MAST4: variants seen among roughly 807,000 people sequenced by gnomAD.
The protein encoded by MAST4 is microtubule associated serine/threonine kinase family member 4.
In MAST4, 89 loss-of-function variants were observed where a neutral mutation model predicts 162.7. The ratio of observed to expected loss-of-function variants is 0.55; its 90% CI spans 0.46 to 0.65. The LOEUF is 0.65. MAST4 is among the 30% of genes least tolerant of loss of function. MAST4 has a pLI of 0.00. For synonymous variants in MAST4, 1,479 were observed against 1,361.1 expected (o/e 1.09, Z -1.91); for missense variants, 3,153 against 3,374.0 (o/e 0.93, Z 1.62).
chr5:66,942,711 A>G (rs1224864069), intron 4 of MAST4, among the ~76,000 whole-genome samples: 2 of 152,118 alleles, frequency 1.3e-5, no homozygotes, highest in Non-Finnish European at 2.9e-5. Context: ...AGTAGCCATG[A>G]TCGATGTCAT....
At chr5:66,968,990 ATCTT>A (rs1265965026) in intron 4 of MAST4, among the ~76,000 whole-genome samples, 1 of 152,226 alleles carries the variant, frequency 6.6e-6, no homozygotes, top group Non-Finnish European at 1.5e-5. Context: ...AGACCTGTCT[ATCTT>A]ACATACTGCT....
chr5:66,969,531 G>A (rs897751222), intron 4 of MAST4, among the ~76,000 whole-genome samples: 4 of 152,208 alleles, frequency 2.6e-5, no homozygotes, highest in African/African-American at 9.7e-5. Flanking sequence ...AGGAAAGGTA[G>A]ACAGCACCTT....
intron 3 of MAST4, among the ~76,000 whole-genome samples, chr5:66,811,914 G>C (rs191028810): frequency 7.8e-4 from 119 of 152,334 alleles, no homozygotes; most frequent in African/African-American, 2.7e-3. Flanking sequence ...ATCAATACTG[G>C]AATTGTGTAC....
At chr5:67,056,740 A>T (rs910848457) in intron 5 of MAST4, among the ~76,000 whole-genome samples, 1 of 152,226 alleles carries the variant, frequency 6.6e-6, no homozygotes, top group Non-Finnish European at 1.5e-5. Context: ...TCTGTTGCCC[A>T]GGCTGGAGTG....
At chr5:66,857,481 G>A (rs1171591737) in intron 3 of MAST4, among the ~76,000 whole-genome samples, 1 of 152,194 alleles carries the variant, frequency 6.6e-6, no homozygotes, top group Non-Finnish European at 1.5e-5. Context: ...GGATATTGCA[G>A]TAAACTTGTC....
chr5:67,067,945 A>C (rs1233086836), intron 5 of MAST4, among the ~76,000 whole-genome samples: 4 of 152,178 alleles, frequency 2.6e-5, no homozygotes, highest in Admixed American at 2.6e-4. Flanking sequence ...ATACACACAC[A>C]CAGGCTTGAA....
Position 66,627,338 on chromosome 5 carries a change from G to A in MAST4, c.363+30320G>A, listed in dbSNP as rs1744502897. ...CCTTCCCATGACACATGGAGATTAT[G>A]GGAACTAAAAGATTAGATTTGGGTG... is the stretch of plus-strand genomic sequence containing the variant. On this transcript the variant is annotated intron_variant, in intron 1 of 28. Coordinates refer to ENST00000403625, the MANE Select transcript of MAST4 (RefSeq NM_001164664.2). Among the ~76,000 whole-genome samples, 2 of 152,142 alleles carry A rather than the reference G, an allele frequency of 1.3e-5. 1 individual carries two copies. The highest frequency in any genetic ancestry group is 4.2e-4 in the South Asian group (2 of 4,812).
chr5:66,922,924 C>T (rs1764636476), intron 4 of MAST4, among the ~76,000 whole-genome samples: 1 of 152,184 alleles, frequency 6.6e-6, no homozygotes, highest in South Asian at 2.1e-4. Flanking sequence ...GACCAGGTCT[C>T]CACTGTATCT....
chr5:67,121,665 A>G (rs1469106203), intron 14 of MAST4, among the ~76,000 whole-genome samples: 3 of 150,942 alleles, frequency 2.0e-5, no homozygotes, highest in Non-Finnish European at 4.4e-5. Context: ...CACGAACAAC[A>G]GCTGATGACC....
At chr5:67,125,049 A>AATAT (rs1768050549) in intron 14 of MAST4, among the ~76,000 whole-genome samples, 2 of 152,178 alleles carry the variant, frequency 1.3e-5, no homozygotes, top group African/African-American at 4.8e-5. Flanking sequence ...TGAAATTCAT[A>AATAT]ATATACGTCC....
chr5:67,022,551 G>T (rs1754114753), intron 4 of MAST4, among the ~76,000 whole-genome samples: 1 of 152,078 alleles, frequency 6.6e-6, no homozygotes, highest in African/African-American at 2.4e-5. Context: ...CAGGCAGCAG[G>T]GGCAAGGTAC....
intron 2 of MAST4, among the ~76,000 whole-genome samples, chr5:66,764,489 T>C (rs1753995253): frequency 6.6e-6 from 1 of 152,144 alleles, no homozygotes; most frequent in South Asian, 2.1e-4. Context: ...TTTTGGTCAG[T>C]GATGGGCCAT....
chr5:66,803,939 C>CTTT (rs754158083), intron 3 of MAST4, among the ~76,000 whole-genome samples: 1 of 146,996 alleles, frequency 6.8e-6, no homozygotes, highest in African/African-American at 2.5e-5. Flanking sequence ...ATGCTATGGG[C>CTTT]TTTTTTTTTT....
chr5:66,975,636 A>T (rs956408853), intron 4 of MAST4, among the ~76,000 whole-genome samples: 5 of 152,170 alleles, frequency 3.3e-5, no homozygotes, highest in Admixed American at 6.5e-5. Context: ...AAGGAGAAAA[A>T]TAGTGAGAGA....
Position 67,095,623 on chromosome 5 carries a change from C to T in MAST4, c.860C>T (p.Ala287Val). Residue 287 changes from alanine (A) to valine (V), a missense_variant, in exon 7 of 29, where the codon GCT (alanine) becomes GTT (valine). Transcript: ENST00000403625. ...ACTGATGGACGCCGCTGGTCGTTGG[C>T]TTCTCTCCCTTCCTCTGGCTATGGG... ...RRTDGRRWSLASLPSSGYGTN... is the reference protein window; with the variant it reads ...RRTDGRRWSLVSLPSSGYGTN... 6.2e-7 allele frequency: 1 copy of T among 1,610,074 alleles called. No individual in the cohort carries two copies. The highest frequency in any genetic ancestry group is 8.5e-7 in the Non-Finnish European group (1 of 1,177,826).
intron 3 of MAST4, among the ~76,000 whole-genome samples, chr5:66,895,403 A>G (rs1762619951): frequency 6.6e-6 from 1 of 151,928 alleles, no homozygotes; most frequent in Non-Finnish European, 1.5e-5. Flanking sequence ...TCCAAAATCT[A>G]CTTCCAGCCT....
Position 67,164,708 on chromosome 5 carries a change from C to T in MAST4, c.5529C>T (p.Leu1843=), listed in dbSNP as rs201310963. ...GDVRASVPPV[L]PSSSGKKNDT... is the part of the protein sequence containing the mutation. ...TGAGGGCCTCTGTGCCACCAGTTCTCCCCAGCAGCAGTGGGAAAAAGAACG... is the reference window on the plus strand; with the variant it reads ...TGAGGGCCTCTGTGCCACCAGTTCTTCCCAGCAGCAGTGGGAAAAAGAACG... Residue 1843 remains leucine, a synonymous_variant, in exon 29 of 29, where the codon CTC becomes CTT. Coordinates refer to ENST00000403625, the MANE Select transcript of MAST4 (RefSeq NM_001164664.2). This position sits in a 1 kb window ranked among gnomAD's most constrained non-coding sequence, Gnocchi z 5.3. 16 of 1,613,846 alleles carry T rather than the reference C, an allele frequency of 9.9e-6. No homozygotes were observed. Among genetic ancestry groups the T allele is most frequent in the East Asian group, 2.2e-5 (1 of 44,902 alleles).
rs375648473 is a variant in MAST4, at chr5:67,100,459, T to C, written c.937T>C (p.Leu313=). 17 of 1,613,774 alleles carry C rather than the reference T, an allele frequency of 1.1e-5. No individual in the cohort carries two copies. In the African/African-American group the frequency reaches 1.9e-4, roughly 18 times the overall value. ...VSSSCSSQEK[L]HQLPYQPTPD... is the part of the protein sequence containing the mutation. ...GTCATCCTGTTCCTCCCAGGAGAAG[T>C]TGCATCAGTTACCATACCAACCAAC... is the stretch of plus-strand genomic sequence containing the variant. Residue 313 remains leucine, a synonymous_variant, in exon 8 of 29, where the codon TTG becomes CTG. Coordinates refer to ENST00000403625, the MANE Select transcript of MAST4 (RefSeq NM_001164664.2).
At chr5:66,732,670 C>T (rs557203082) in intron 1 of MAST4, among the ~76,000 whole-genome samples, 1 of 152,308 alleles carries the variant, frequency 6.6e-6, no homozygotes, top group Non-Finnish European at 1.5e-5. Flanking sequence ...TGAACAGATG[C>T]ATACTCCATC....
Sources: allele counts gnomAD v4.1 joint callset (sites outside exome capture counted in the v4.1 genomes callset), GRCh38; gene constraint gnomAD v4.1.1; non-coding constraint Gnocchi (gnomAD v3.1); transcripts MANE v1.5; gene names NCBI Gene and HGNC (gene_info 2026-07-23, HGNC 2026-07-21).